The following TSHZ2 variants were observed in gnomAD, a reference collection of about 807,000 sequenced individuals.
The protein encoded by TSHZ2 is teashirt zinc finger homeobox 2.
TSHZ2 carries 21 observed loss-of-function variants against 74.4 expected under a neutral mutation model. The ratio of observed to expected loss-of-function variants is 0.28; its 90% confidence interval spans 0.20 to 0.41. The LOEUF (loss-of-function observed/expected upper bound fraction) is 0.41. Among genes scored for constraint, TSHZ2 ranks in the 10% least tolerant of loss-of-function variants. The pLI is 1.00. For missense variants in TSHZ2, 1,244 were observed against 1,293.5 expected, an observed-to-expected ratio of 0.96 and a Z score of 0.59; for synonymous variants, 540 against 515.3, an observed-to-expected ratio of 1.05 and a Z score of -0.65.
At chr20:53,061,439 TGAAAAG>T (rs1353318233) in intron 1 of TSHZ2, among the ~76,000 whole-genome samples, 1 of 152,100 alleles carries the variant, frequency 6.6e-6, no homozygotes, top group Non-Finnish European at 1.5e-5. Context: ...TCATAAGAGA[TGAAAAG>T]GAAAAGATAT....
intron 1 of TSHZ2, among the ~76,000 whole-genome samples, chr20:53,166,282 G>A (rs1343176586): frequency 6.6e-6 from 1 of 152,126 alleles, no homozygotes; most frequent in Non-Finnish European, 1.5e-5. Context: ...AAAACCAACT[G>A]GGTAAGAAAA....
chr20:53,315,118 T>C (rs901637294), intron 2 of TSHZ2, among the ~76,000 whole-genome samples: 28 of 152,352 alleles, frequency 1.8e-4, no homozygotes, highest in African/African-American at 6.7e-4. Context: ...CGCATGTGTA[T>C]GAAGAAGAGG....
intron 2 of TSHZ2, among the ~76,000 whole-genome samples, chr20:53,351,403 G>A (rs546308342): frequency 6.6e-6 from 1 of 152,268 alleles, no homozygotes; most frequent in South Asian, 2.1e-4. Flanking sequence ...AAGAATCTAT[G>A]ATGGAGAAAA....
chr20:53,085,333 C>T (rs1298258412), intron 1 of TSHZ2, among the ~76,000 whole-genome samples: 1 of 151,916 alleles, frequency 6.6e-6, no homozygotes, highest in East Asian at 1.9e-4. Flanking sequence ...CCACTGAACT[C>T]CAGCCTGGGC....
intron 1 of TSHZ2, among the ~76,000 whole-genome samples, chr20:53,002,471 T>C (rs986368831): frequency 1.3e-5 from 2 of 152,150 alleles, no homozygotes; most frequent in Non-Finnish European, 2.9e-5. Flanking sequence ...TCCATTACCC[T>C]GAAAAATAAA....
chr20:53,365,712 AT>A (rs926329392), intron 2 of TSHZ2, among the ~76,000 whole-genome samples: 16 of 152,268 alleles, frequency 1.1e-4, no homozygotes, highest in Admixed American at 5.2e-4. Flanking sequence ...CTTTCAACAA[AT>A]GTTCTTCCCT....
At chr20:53,468,547 G>T (rs1431557511) in intron 2 of TSHZ2, among the ~76,000 whole-genome samples, 1 of 151,974 alleles carries the variant, frequency 6.6e-6, no homozygotes, top group Admixed American at 6.6e-5. Context: ...GCACACACTG[G>T]TGAAGAGATC....
At chr20:53,238,060 T>A (rs1308847165) in intron 1 of TSHZ2, among the ~76,000 whole-genome samples, 1 of 152,182 alleles carries the variant, frequency 6.6e-6, no homozygotes, top group African/African-American at 2.4e-5. Context: ...CTTACTAACA[T>A]GCCTTTGTGT....
intron 1 of TSHZ2, among the ~76,000 whole-genome samples, chr20:52,984,885 T>G (rs978970200): frequency 6.6e-6 from 1 of 152,228 alleles, no homozygotes; most frequent in Non-Finnish European, 1.5e-5. Context: ...CTGAAAGCTG[T>G]CCAGGAGAAA....
intron 1 of TSHZ2, among the ~76,000 whole-genome samples, chr20:53,159,322 A>G (rs1485663941): frequency 2.0e-5 from 3 of 152,170 alleles, no homozygotes; most frequent in Non-Finnish European, 4.4e-5. Flanking sequence ...CCAGCCCAAC[A>G]TCTGTTTTTG....
intron 1 of TSHZ2, among the ~76,000 whole-genome samples, chr20:53,039,355 C>T (rs548493316): frequency 6.6e-6 from 1 of 152,298 alleles, no homozygotes; most frequent in African/African-American, 2.4e-5. Flanking sequence ...ATGAATATTT[C>T]TCAACAACAA....
intron 1 of TSHZ2, among the ~76,000 whole-genome samples, chr20:53,148,966 G>A (rs193137383): frequency 2.0e-3 from 302 of 152,292 alleles, no homozygotes; most frequent in African/African-American, 6.6e-3. Flanking sequence ...GTGAGAATTT[G>A]GCTAATATCC....
chr20:53,105,873 T>A (rs1986348770), intron 1 of TSHZ2, among the ~76,000 whole-genome samples: 1 of 152,124 alleles, frequency 6.6e-6, no homozygotes, highest in Non-Finnish European at 1.5e-5. Flanking sequence ...TCTCGAACGA[T>A]CCTGGGCTCA....
chr20:53,265,035 G>T (rs560034889), intron 2 of TSHZ2, among the ~76,000 whole-genome samples: 1 of 152,300 alleles, frequency 6.6e-6, no homozygotes, highest in African/African-American at 2.4e-5. Context: ...GAGCAGGCCT[G>T]GTGGATCTGC....
intron 2 of TSHZ2, among the ~76,000 whole-genome samples, chr20:53,429,914 C>T (rs775943085): frequency 2.5e-4 from 38 of 152,162 alleles, no homozygotes; most frequent in Non-Finnish European, 5.0e-4. Flanking sequence ...CAGTCCCACA[C>T]ATTGCAGGAT....
intron 1 of TSHZ2, among the ~76,000 whole-genome samples, chr20:53,195,431 T>C (rs944278135): frequency 3.3e-5 from 5 of 152,180 alleles, no homozygotes; most frequent in African/African-American, 1.2e-4. Flanking sequence ...TACAGGTAAA[T>C]AAAGTGAAGG....
Position 53,488,835 on chromosome 20 carries a change from TAA to T in TSHZ2, c.*1714_*1715del, listed in dbSNP as rs11481015. ...TGATCCCTAAATTCAACATTGGGATTAAAAAAAAAAAAAAACTTCTTATTTAC... is the reference window on the plus strand; with the variant it reads ...TGATCCCTAAATTCAACATTGGGATTAAAAAAAAAAAAACTTCTTATTTAC... On this transcript the variant is annotated 3_prime_UTR_variant, in exon 3 of 3. Coordinates refer to ENST00000371497, the MANE Select transcript of TSHZ2 (RefSeq NM_173485.6). 688 of 301,562 alleles carry T rather than the reference TAA, an allele frequency of 2.3e-3. No homozygotes were observed. The highest frequency in any genetic ancestry group is 4.7e-3 in the South Asian group (169 of 36,270). The allele number at this position is 301,562 out of a possible 1,614,324, so 18.7% of individuals were successfully genotyped here.
At chr20:53,198,175 A>C (rs570838957) in intron 1 of TSHZ2, 82 of 152,362 alleles carry the variant, frequency 5.4e-4, no homozygotes, top group African/African-American at 1.9e-3. Flanking sequence ...ACACATAAGC[A>C]TTACCTGTAA....
intron 2 of TSHZ2, among the ~76,000 whole-genome samples, chr20:53,363,444 C>A (rs1190821398): frequency 6.6e-6 from 1 of 152,202 alleles, no homozygotes; most frequent in East Asian, 1.9e-4. Flanking sequence ...AGGAGCATAT[C>A]ATTGGGATAT....
Sources: gnomAD v4.1 joint callset for allele counts (sites outside exome capture counted in the v4.1 genomes callset) on GRCh38, gnomAD v4.1.1 for gene constraint, MANE v1.5 for transcripts, NCBI Gene and HGNC (gene_info 2026-07-23, HGNC 2026-07-21) for gene names.